EFCAB7: variants seen among roughly 807,000 people sequenced by gnomAD.
EFCAB7 encodes the protein EF-hand calcium-binding domain-containing protein 7.
In EFCAB7, 66 loss-of-function variants were observed where a neutral mutation model predicts 77.1. The ratio of observed to expected loss-of-function variants is 0.86; its 90% CI spans 0.70 to 1.05. The LOEUF is 1.05. EFCAB7 is among the 50% of genes least tolerant of loss of function. The pLI, the probability that EFCAB7 is intolerant of heterozygous loss-of-function variation, is 0.00. For synonymous variants in EFCAB7, 225 were observed against 243.3 expected (o/e 0.92, Z 0.70); for missense variants, 638 against 730.5 (o/e 0.87, Z 1.46).
rs1646577926 is a variant in EFCAB7 at position 63,525,767 on chromosome 1, T to G, written c.187+8T>G. On this transcript the variant is annotated splice_region_variant and intron_variant, in intron 2 of 13. Coordinates refer to ENST00000371088, the MANE Select transcript of EFCAB7 (RefSeq NM_032437.4). ...AAGATCAACTTTACTTAGGTAAATT[T>G]TTAAAATTTTTAAATCTTTCACCTT... 6.6e-7 allele frequency: 1 copy of G among 1,519,562 alleles called. No homozygotes were observed. The highest frequency in any genetic ancestry group is 1.4e-5 in the African/African-American group (1 of 69,436). 94.1% of individuals were successfully genotyped at this position (1,519,562 alleles called of 1,614,324 possible). A position where few individuals can be genotyped will look rare whatever the true frequency, so the allele number is the denominator to read the frequency against.
intron 6 of EFCAB7, among the ~76,000 whole-genome samples, chr1:63,544,505 C>A (rs182612858): frequency 1.0e-3 from 156 of 152,254 alleles, no homozygotes; most frequent in Non-Finnish European, 1.5e-4. Flanking sequence ...CTCTGCCTCC[C>A]GGATTCAAGC....
rs1329251283 is a variant in EFCAB7 at position 63,555,503 on chromosome 1, C to T, written c.1202C>T (p.Thr401Ile). 1.2e-6 allele frequency: 2 copies of T among 1,611,300 alleles called. No homozygotes were observed. ...YRDETGELFL[T>I]KEFKSTLSDI... ...GATGAAACAGGGGAATTATTCCTTA[C>T]AAAGGAATTTAAGTAAGTTTTGTTT... Residue 401 changes from threonine (T) to isoleucine (I), a missense_variant, in exon 9 of 14, where the codon ACA becomes ATA. Thr to Ile is a moderately conservative substitution (Grantham distance 89, BLOSUM62 -1). Coordinates refer to ENST00000371088, the MANE Select transcript of EFCAB7 (RefSeq NM_032437.4).
chr1:63,570,800 G>A (rs17125134), intron 12 of EFCAB7: 5,305 of 342,236 alleles, frequency 0.016, 260 homozygotes, highest in African/African-American at 0.1. Flanking sequence ...AGGTAAGTAA[G>A]TTTAAGTCAC....
At chr1:63,553,873 C>T (rs1378813971) in intron 8 of EFCAB7, among the ~76,000 whole-genome samples, 2 of 151,700 alleles carry the variant, frequency 1.3e-5, no homozygotes, top group Non-Finnish European at 2.9e-5. Context: ...TAGGGTCTCA[C>T]TCTGCTGCCC....
At chr1:63,554,779 T>A (rs1458623701) in intron 8 of EFCAB7, among the ~76,000 whole-genome samples, 1 of 152,240 alleles carries the variant, frequency 6.6e-6, no homozygotes, top group African/African-American at 2.4e-5. Context: ...TATTTTATAG[T>A]CCATATTACA....
rs758433497 is a variant in EFCAB7 at position 63,572,537 on chromosome 1, C to T, written c.*21C>T. 9.3e-6 allele frequency: 13 copies of T among 1,395,766 alleles called. 1 individual carries two copies. Among genetic ancestry groups the T allele is most frequent in the Non-Finnish European group, 1.2e-5 (13 of 1,041,330 alleles). The allele number at this position is 1,395,766 out of a possible 1,614,324, so 86.5% of individuals were successfully genotyped here. ...CTTAAATAATTATACTTAGAACTTACCAAACTAAGAATTATTTCAGATTTA... is the reference window on the plus strand; with the variant it reads ...CTTAAATAATTATACTTAGAACTTATCAAACTAAGAATTATTTCAGATTTA... On this transcript the variant is annotated 3_prime_UTR_variant, in exon 14 of 14. Transcript: ENST00000371088.
intron 2 of EFCAB7, among the ~76,000 whole-genome samples, chr1:63,528,550 A>G (rs1450563325): frequency 6.6e-6 from 1 of 152,276 alleles, no homozygotes. Flanking sequence ...TTAAGTGTAC[A>G]TTTTAAAATA....
intron 11 of EFCAB7, among the ~76,000 whole-genome samples, chr1:63,567,782 G>A (rs995124035): frequency 1.3e-5 from 2 of 152,150 alleles, no homozygotes; most frequent in African/African-American, 4.8e-5. Context: ...TTACCACATT[G>A]TAGGCTGTGG....
At chr1:63,576,761 G>A (rs1035678577), downstream of EFCAB7, among the ~76,000 whole-genome samples, 6 of 151,470 alleles carry the variant, frequency 4.0e-5, no homozygotes, top group Admixed American at 1.3e-4. Flanking sequence ...ACTTGAACCC[G>A]GGAGGCAGAG....
chr1:63,534,286 G>T, intron 6 of EFCAB7, 70 bp downstream of exon 6: 3 of 1,405,966 alleles, frequency 2.1e-6, no homozygotes, highest in Non-Finnish European at 2.0e-6. Flanking sequence ...TAATAACTGT[G>T]CAGTGTCTAC....
the EFCAB7 span, among the ~76,000 whole-genome samples, chr1:63,583,417 C>T: frequency 4.6e-5 from 7 of 152,168 alleles, no homozygotes; most frequent in African/African-American, 9.7e-5. Flanking sequence ...AATGCTTTGT[C>T]GCTGAAGTCA....
chr1:63,549,844 TTATACTG>T (rs1646944983), intron 7 of EFCAB7: 2 of 165,022 alleles, frequency 1.2e-5, no homozygotes, highest in East Asian at 1.8e-4. Context: ...TTTGTCTACA[TTATACTG>T]AAATTAAATG....
At chr1:63,536,339 C>T (rs979338817) in intron 6 of EFCAB7, among the ~76,000 whole-genome samples, 2 of 152,004 alleles carry the variant, frequency 1.3e-5, no homozygotes, top group Admixed American at 6.6e-5. Context: ...TTTTGTTATT[C>T]AGCAGCATTC....
chr1:63,545,780 C>T (rs1646890455), intron 6 of EFCAB7, 136 bp from the exon 7 acceptor site: 1 of 752,208 alleles, frequency 1.3e-6, no homozygotes, highest in Non-Finnish European at 2.2e-6. Context: ...TACCTCCTAA[C>T]TATGTTGCAC....
chr1:63,554,971 CT>C (rs75145247), intron 8 of EFCAB7: 29,898 of 152,730 alleles, frequency 0.2, 3,511 homozygotes, highest in Non-Finnish European at 0.27. Flanking sequence ...AATATTATTA[CT>C]TTTTTTCAAA....
chr1:63,551,636 G>T, intron 7 of EFCAB7, 89 bp from the exon 8 acceptor site: 3 of 504,160 alleles, frequency 6.0e-6, no homozygotes, highest in Non-Finnish European at 6.3e-6. Flanking sequence ...AAATATCCAA[G>T]AAGAAACTAG....
chr1:63,545,458 T>A (rs903486952), intron 6 of EFCAB7, among the ~76,000 whole-genome samples: 2 of 152,126 alleles, frequency 1.3e-5, no homozygotes, highest in African/African-American at 4.8e-5. Context: ...AACCATATAT[T>A]ACTGCCAATT....
chr1:63,549,510 C>T, intron 7 of EFCAB7: 1 of 456,140 alleles, frequency 2.2e-6, no homozygotes, highest in Non-Finnish European at 4.5e-6. Context: ...CTGTACCTTC[C>T]TCATGGAAAA....
downstream of EFCAB7, among the ~76,000 whole-genome samples, chr1:63,575,345 T>C (rs1004540659): frequency 6.6e-6 from 1 of 152,056 alleles, no homozygotes; most frequent in East Asian, 1.9e-4. Flanking sequence ...ATCTTTTTGG[T>C]TTAGGTTAAA....
Sources: allele counts gnomAD v4.1 joint callset (sites outside exome capture counted in the v4.1 genomes callset), GRCh38; gene constraint gnomAD v4.1.1; transcripts MANE v1.5; gene names NCBI Gene and HGNC (gene_info 2026-07-23, HGNC 2026-07-21).